Variants in NRXN3 observed in about 807,000 individuals in gnomAD.
NRXN3 encodes the protein neurexin III.
A neutral mutation model predicts 137.6 loss-of-function variants in NRXN3; 32 were observed. The ratio of observed to expected loss-of-function variants is 0.23; its 90% CI spans 0.18 to 0.31. NRXN3 has a LOEUF of 0.31. Among genes scored for constraint, NRXN3 ranks in the 10% least tolerant of loss-of-function variants. NRXN3 has a pLI of 1.00. For missense variants in NRXN3, 1,574 were observed against 2,062.5 expected (o/e 0.76, Z 4.59); for synonymous variants, 798 against 784.5 (o/e 1.02, Z -0.29).
At chr14:79,845,161 C>T (rs2099364404) in intron 20 of NRXN3, among the ~76,000 whole-genome samples, 1 of 152,158 alleles carries the variant, frequency 6.6e-6, no homozygotes, top group African/African-American at 2.4e-5. Context: ...CCTTTCTCTG[C>T]ATTAGGGTTT....
intron 4 of NRXN3, among the ~76,000 whole-genome samples, chr14:78,426,101 C>T (rs985625205): frequency 3.3e-4 from 50 of 152,306 alleles, no homozygotes; most frequent in Admixed American, 2.9e-3. Context: ...GTCTGCTTCT[C>T]CCCATTTCCC....
chr14:79,862,062 G>A lies in NRXN3; in HGVS notation c.*98G>A. ...GATCTCACAGATGTCAGAACTGCTG[G>A]AACTATGAAATGGGGTATATAACCA... On this transcript the variant is annotated 3_prime_UTR_variant, in exon 21 of 21. Transcript: ENST00000335750. 1.9e-6 allele frequency: 2 copies of A among 1,054,688 alleles called. No individual in the cohort carries two copies. The highest frequency in any genetic ancestry group is 2.6e-5 in the Admixed American group (1 of 38,802). The allele number at this position is 1,054,688 out of a possible 1,614,324, so 65.3% of individuals were successfully genotyped here. A position where few individuals can be genotyped will look rare whatever the true frequency, so the allele number is the denominator to read the frequency against.
intron 8 of NRXN3, among the ~76,000 whole-genome samples, chr14:78,755,231 C>T (rs941798663): frequency 5.4e-5 from 8 of 148,142 alleles, no homozygotes; most frequent in East Asian, 2.0e-4. Flanking sequence ...CTTGCTATGT[C>T]GCCCAGACTG....
Position 79,039,286 on chromosome 14 carries a change from G to T in NRXN3, c.3262+51145G>T, listed in dbSNP as rs139846565. On this transcript the variant is annotated intron_variant, in intron 15 of 20. Transcript: ENST00000335750. ...CACTGAGAAAAATCCATTTGCTCAG[G>T]TCTAATTTTAGGTAATTTCTCTTTC... 1.2e-4 allele frequency among the ~76,000 whole-genome samples: 19 copies of T among 152,186 alleles called. 1 individual carries two copies. Among genetic ancestry groups the T allele is most frequent in the Admixed American group, 2.0e-4 (3 of 15,284 alleles).
chr14:79,019,179 G>T (rs894756221), intron 15 of NRXN3, among the ~76,000 whole-genome samples: 1 of 152,164 alleles, frequency 6.6e-6, no homozygotes, highest in Non-Finnish European at 1.5e-5. Flanking sequence ...TTGATCTTGA[G>T]TTTCCTCGTG....
chr14:79,770,598 T>C (rs1370244408), intron 19 of NRXN3, among the ~76,000 whole-genome samples: 32 of 150,120 alleles, frequency 2.1e-4, no homozygotes, highest in Admixed American at 4.7e-4. Context: ...CACAACATAC[T>C]AGAATCTCTG....
At chr14:78,181,128 A>C (rs2059769367) in intron 1 of NRXN3, among the ~76,000 whole-genome samples, 1 of 152,250 alleles carries the variant, frequency 6.6e-6, no homozygotes, top group Admixed American at 6.5e-5. Flanking sequence ...AATTGGTCAC[A>C]CACATGTAAT....
chr14:78,185,424 G>A (rs1329878423), intron 1 of NRXN3, among the ~76,000 whole-genome samples: 1 of 152,212 alleles, frequency 6.6e-6, no homozygotes, highest in African/African-American at 2.4e-5. Flanking sequence ...CAAATACACA[G>A]GGGATCAAAA....
intron 3 of NRXN3, among the ~76,000 whole-genome samples, chr14:78,297,217 A>G (rs1196291135): frequency 1.3e-5 from 2 of 152,192 alleles, no homozygotes; most frequent in African/African-American, 4.8e-5. Context: ...GATGACAGTG[A>G]TAGAAACAGT....
chr14:79,657,485 T>G (rs2098511912), intron 16 of NRXN3, among the ~76,000 whole-genome samples: 1 of 152,172 alleles, frequency 6.6e-6, no homozygotes. Context: ...TTCTCTGATT[T>G]AGATTTTTCA....
chr14:79,805,754 CTG>C (rs1186595685), intron 20 of NRXN3, among the ~76,000 whole-genome samples: 1 of 152,110 alleles, frequency 6.6e-6, no homozygotes, highest in East Asian at 1.9e-4. Context: ...ATTTTGTTAA[CTG>C]TGTGTCTAGA....
chr14:78,202,537 T>TCAC (rs1473736720), intron 1 of NRXN3, among the ~76,000 whole-genome samples: 1 of 152,128 alleles, frequency 6.6e-6, no homozygotes, highest in Non-Finnish European at 1.5e-5. Flanking sequence ...GTCAGCTAGG[T>TCAC]CACCTGAAAG....
chr14:79,416,752 T>C (rs2095502557), intron 15 of NRXN3, among the ~76,000 whole-genome samples: 1 of 152,140 alleles, frequency 6.6e-6, no homozygotes, highest in Non-Finnish European at 1.5e-5. Context: ...CCACTTTTCT[T>C]CTATGCAGAT....
intron 4 of NRXN3, among the ~76,000 whole-genome samples, chr14:78,299,922 G>A (rs2076715916): frequency 6.6e-6 from 1 of 152,182 alleles, no homozygotes; most frequent in South Asian, 2.1e-4. Context: ...AATATTTTAA[G>A]TTGCAACTTG....
At chr14:79,306,289 C>A (rs1262880422) in intron 15 of NRXN3, among the ~76,000 whole-genome samples, 1 of 152,052 alleles carries the variant, frequency 6.6e-6, no homozygotes, top group African/African-American at 2.4e-5. Flanking sequence ...ACGCACACAT[C>A]CTTGTTGAAG....
chr14:78,684,798 A>T (rs1421524154), intron 6 of NRXN3, among the ~76,000 whole-genome samples: 1 of 152,196 alleles, frequency 6.6e-6, no homozygotes. Context: ...TGTCTCAAAA[A>T]CAACAACAAA....
At chr14:78,250,844 T>C (rs916385172) in intron 2 of NRXN3, among the ~76,000 whole-genome samples, 4 of 152,178 alleles carry the variant, frequency 2.6e-5, no homozygotes, top group Admixed American at 6.5e-5. Flanking sequence ...TGTCGTGAGA[T>C]GGAGCATTGC....
intron 15 of NRXN3, among the ~76,000 whole-genome samples, chr14:79,322,625 T>G (rs2090214029): frequency 6.6e-6 from 1 of 152,222 alleles, no homozygotes; most frequent in Non-Finnish European, 1.5e-5. Flanking sequence ...ATATTTTAAG[T>G]CTTCCTGATC....
rs912283329 is a variant in NRXN3, at chr14:79,053,887, A to G, written c.3262+65746A>G. On this transcript the variant is annotated intron_variant, in intron 15 of 20. Transcript: ENST00000335750. ...GTCTTCTATGCCACATTGGGAATGG[A>G]AAGTCATGAAAAGATTTTAAGCTGG... Among the ~76,000 whole-genome samples the G allele has an allele frequency of 5.3e-5, 8 of 152,154 alleles. No individual in the cohort carries two copies. In the East Asian group the frequency reaches 1.2e-3, roughly 22 times the overall value.
Sources: gnomAD v4.1 joint callset for allele counts (sites outside exome capture counted in the v4.1 genomes callset) on GRCh38, gnomAD v4.1.1 for gene constraint, MANE v1.5 for transcripts, NCBI Gene and HGNC (gene_info 2026-07-23, HGNC 2026-07-21) for gene names.